The following NOSTRIN variants were observed in gnomAD, a reference collection of about 807,000 sequenced individuals.
NOSTRIN encodes the protein nitric oxide synthase trafficking, also known as BM247 homolog.
NOSTRIN carries 63 observed loss-of-function variants against 59.0 expected under a neutral mutation model. The observed-to-expected ratio is 1.07, with a 90% CI of 0.87 to 1.32. The LOEUF is 1.32. Ranked by LOEUF, NOSTRIN falls within the 40% of genes most tolerant of loss-of-function variation. The pLI, the probability that NOSTRIN is intolerant of heterozygous loss-of-function variation, is 0.00. For missense variants in NOSTRIN, 512 were observed against 473.1 expected (o/e 1.08, Z -0.76); for synonymous variants, 200 against 165.4 (o/e 1.21, Z -1.61).
intron 10 of NOSTRIN, among the ~76,000 whole-genome samples, chr2:168,852,487 T>A (rs1339295783): frequency 6.6e-6 from 1 of 152,200 alleles, no homozygotes; most frequent in Non-Finnish European, 1.5e-5. Flanking sequence ...AGGAACTGAT[T>A]ATTAATTACC....
At chr2:168,851,760 G>T (rs988831038) in intron 10 of NOSTRIN, among the ~76,000 whole-genome samples, 3 of 152,082 alleles carry the variant, frequency 2.0e-5, no homozygotes, top group African/African-American at 7.2e-5. Context: ...ACAAATTACC[G>T]CTCCCCACCC....
In NOSTRIN at chr2:168,802,661, G is replaced by T; in HGVS notation, c.15G>T (p.Leu5=). The T allele has an allele frequency of 1.1e-6, 1 of 869,890 alleles. No homozygotes were observed. The highest frequency in any genetic ancestry group is 1.3e-5 in the South Asian group (1 of 74,942). 53.9% of individuals were successfully genotyped at this position (869,890 alleles called of 1,614,324 possible). ...CACATTTCAACATGAGGGACCCACT[G>T]ACAGATTGTCCGGTGAGTAGCTCAG... MRDP[L]TDCPYNKVYK... The change falls in exon 1 of 16, where the codon CTG becomes CTT. Residue 5 remains leucine (L), a synonymous_variant. Transcript: ENST00000317647.
intron 2 of NOSTRIN, among the ~76,000 whole-genome samples, chr2:168,793,073 T>A (rs1489264219): frequency 6.6e-6 from 1 of 152,318 alleles, no homozygotes; most frequent in East Asian, 1.9e-4. Flanking sequence ...TTGAGGAAGA[T>A]ACCAGAAACT....
At position 168,836,530 on chromosome 2, in the gene NOSTRIN, C is replaced by A. The variant is rs193227737; in HGVS notation, c.504+2205C>A. On this transcript the variant is annotated intron_variant, in intron 7 of 15. Transcript: ENST00000317647. ...TTCATTTTCTCATCTCACATAGAAG[C>A]GCTCATGATCACCTGAGCTGATGCT... is the stretch of plus-strand genomic sequence containing the variant. Among the ~76,000 whole-genome samples the A allele has an allele frequency of 2.0e-5, 3 of 152,306 alleles. No homozygotes were observed. In the East Asian group the frequency reaches 5.8e-4, roughly 29 times the overall value.
At chr2:168,861,928 C>T in intron 14 of NOSTRIN, 32 bp from the exon 15 acceptor site, 1 of 1,597,172 alleles carries the variant, frequency 6.3e-7, no homozygotes, top group African/African-American at 1.3e-5. Flanking sequence ...CCTGCTAACA[C>T]AGCATACTAA....
At chr2:168,826,875 T>C (rs886908221) in intron 3 of NOSTRIN, among the ~76,000 whole-genome samples, 1 of 152,260 alleles carries the variant, frequency 6.6e-6, no homozygotes, top group African/African-American at 2.4e-5. Context: ...CATGCCTGTT[T>C]GCACTCCTTC....
intron 8 of NOSTRIN, among the ~76,000 whole-genome samples, chr2:168,844,590 G>C (rs1321608329): frequency 1.3e-5 from 2 of 152,298 alleles, no homozygotes; most frequent in East Asian, 3.9e-4. Context: ...GATGGTTTAA[G>C]ATTCAGCCTG....
intron 8 of NOSTRIN, among the ~76,000 whole-genome samples, chr2:168,848,340 G>A (rs1297417850): frequency 1.3e-5 from 2 of 152,320 alleles, no homozygotes; most frequent in Admixed American, 1.3e-4. Context: ...GACTGCCAGC[G>A]TAAACCAATC....
Position 168,807,757 on chromosome 2 carries a change from C to T in NOSTRIN, c.28-3810C>T, listed in dbSNP as rs191542826. Among the ~76,000 whole-genome samples, 5 of 152,254 alleles carry T rather than the reference C, an allele frequency of 3.3e-5. No homozygotes were observed. In the East Asian group the frequency reaches 9.7e-4, roughly 29 times the overall value. On this transcript the variant is annotated intron_variant, in intron 1 of 15. Transcript: ENST00000317647. ...ACGAGGCAAAGCCATGGGCCAGTTC[C>T]CTCTTCCTGGAACAATTTTGTCCAT...
Position 168,862,057 on chromosome 2 carries a change from T to C in NOSTRIN, c.1384+8T>C. On this transcript the variant is annotated splice_region_variant and intron_variant, in intron 15 of 15. Transcript: ENST00000317647. ...AGTTGAATTTGGAAAAGGGTAAGAA[T>C]CATTCTCAAATATTTTAATTGCCTT... The C allele has an allele frequency of 6.2e-7, 1 of 1,611,902 alleles. No homozygotes were observed. Among genetic ancestry groups the C allele is most frequent in the Non-Finnish European group, 8.5e-7 (1 of 1,177,996 alleles).
intron 15 of NOSTRIN, chr2:168,863,513 A>G: frequency 1.0e-6 from 1 of 985,368 alleles, no homozygotes; most frequent in African/African-American, 1.7e-5. Flanking sequence ...TTTTATGACA[A>G]GAGCCATGTT....
chr2:168,825,676 G>C (rs1179163380), intron 3 of NOSTRIN, among the ~76,000 whole-genome samples: 1 of 152,194 alleles, frequency 6.6e-6, no homozygotes, highest in African/African-American at 2.4e-5. Flanking sequence ...ATTAGGGGGA[G>C]AGAAGAAAGA....
intron 10 of NOSTRIN, among the ~76,000 whole-genome samples, chr2:168,852,125 T>C (rs1328926837): frequency 6.6e-6 from 1 of 152,106 alleles, no homozygotes; most frequent in East Asian, 1.9e-4. Flanking sequence ...AGAAGTGACA[T>C]CTCATCATAT....
intron 2 of NOSTRIN, among the ~76,000 whole-genome samples, chr2:168,816,948 GTCAAAA>G (rs944391101): frequency 6.6e-6 from 1 of 152,136 alleles, no homozygotes; most frequent in Non-Finnish European, 1.5e-5. Context: ...AAGTGGGTAT[GTCAAAA>G]ACATTTACTG....
At chr2:168,834,662 T>C (rs1687615956) in intron 7 of NOSTRIN, among the ~76,000 whole-genome samples, 1 of 152,050 alleles carries the variant, frequency 6.6e-6, no homozygotes. Context: ...CTCAAGTAGC[T>C]GGGACTACAG....
rs1465426579 is a variant in NOSTRIN, at chr2:168,851,313, T to C, written c.764T>C (p.Ile255Thr). The C allele has an allele frequency of 2.5e-6, 4 of 1,613,688 alleles. No individual in the cohort carries two copies. Among genetic ancestry groups the C allele is most frequent in the East Asian group, 2.2e-5 (1 of 44,882 alleles). Reference sequence around the variant, plus strand: ...CAGATTCACTGTGCCATCAGCAAGATTGACATTGAAAAAGATATCCAGGCT... The same window carrying C: ...CAGATTCACTGTGCCATCAGCAAGACTGACATTGAAAAAGATATCCAGGCT... ...HTQIHCAISK[I>T]DIEKDIQAVM... The change falls in exon 10 of 16, where the codon ATT becomes ACT. Residue 255 changes from isoleucine to threonine, a missense_variant. By Grantham distance (89) the Ile-to-Thr change is moderately conservative. Transcript: ENST00000317647.
chr2:168,831,782 A>G (rs1687375554), intron 6 of NOSTRIN, among the ~76,000 whole-genome samples: 1 of 152,196 alleles, frequency 6.6e-6, no homozygotes, highest in Non-Finnish European at 1.5e-5. Flanking sequence ...TTTAATCATC[A>G]CAACAACCCA....
At chr2:168,849,918 ATTT>A (rs71297456) in intron 8 of NOSTRIN, among the ~76,000 whole-genome samples, 1 of 91,396 alleles carries the variant, frequency 1.1e-5, no homozygotes, top group African/African-American at 4.5e-5. Context: ...ACATTTTCTC[ATTT>A]TTTTTTTTTT....
intron 10 of NOSTRIN, among the ~76,000 whole-genome samples, chr2:168,853,899 G>A (rs954016177): frequency 3.8e-4 from 57 of 151,308 alleles, no homozygotes; most frequent in Non-Finnish European, 1.3e-4. Context: ...ACGGAGTCTC[G>A]CTCTGTGGCC....
Sources: gnomAD v4.1 joint callset for allele counts (sites outside exome capture counted in the v4.1 genomes callset) on GRCh38, gnomAD v4.1.1 for gene constraint, MANE v1.5 for transcripts, NCBI Gene and HGNC (gene_info 2026-07-23, HGNC 2026-07-21) for gene names.